The following PEAR1 variants were observed in gnomAD, a reference collection of about 807,000 sequenced individuals.
PEAR1 encodes the protein platelet endothelial aggregation receptor 1, also known as multiple EGF-like domains protein 12.
Under a neutral mutation model 131.2 loss-of-function variants are expected in PEAR1, and 113 were observed. That is an observed-to-expected ratio of 0.86 (90% CI 0.74 to 1.01). The LOEUF (loss-of-function observed/expected upper bound fraction) is 1.01, where lower values mean the gene tolerates loss of function less well. PEAR1 is among the 50% of genes least tolerant of loss of function. The probability of loss-of-function intolerance (pLI) is 0.00; values close to 1 mark genes in which losing one functional copy is unlikely to be tolerated. For missense variants in PEAR1, 1,408 were observed against 1,391.1 expected (o/e 1.01, Z -0.19); for synonymous variants, 565 against 523.3 (o/e 1.08, Z -1.09).
chr1:156,911,036 T>TC, intron 15 of PEAR1, among the ~76,000 whole-genome samples: 1 of 145,144 alleles, frequency 6.9e-6, no homozygotes, highest in South Asian at 2.3e-4. Context: ...TCTTGATTTC[T>TC]TTTTCTTTCT....
chr1:156,908,613 T>C lies in PEAR1; in HGVS notation c.1116-42T>C. The C allele has an allele frequency of 2.0e-6, 3 of 1,474,840 alleles. No individual in the cohort carries two copies. In the South Asian group the frequency reaches 4.0e-5, roughly 20 times the overall value. The allele number at this position is 1,474,840 out of a possible 1,614,324, so 91.4% of individuals were successfully genotyped here. On this transcript the variant is annotated intron_variant, in intron 9 of 22. Coordinates refer to ENST00000292357, the MANE Select transcript of PEAR1 (RefSeq NM_001080471.3). The surrounding 1 kb of genome is among the most constrained non-coding windows in gnomAD (Gnocchi z 4.2). ...AGGGGTCGGGAAGCTGCCCTGCCCC[T>C]GCCCAGCTCAGACCGCGCCACGCCC... is the stretch of plus-strand genomic sequence containing the variant.
intron 1 of PEAR1, among the ~76,000 whole-genome samples, chr1:156,897,327 G>C (rs973730365): frequency 6.6e-5 from 10 of 152,230 alleles, no homozygotes; most frequent in African/African-American, 2.4e-4. Context: ...CCCGCTCACA[G>C]AGCCTTGGAG....
chr1:156,910,349 A>G lies in PEAR1; in HGVS notation c.1794A>G (p.Ala598=), dbSNP rs772606718. The change falls in exon 14 of 23, where the codon GCA becomes GCG. Residue 598 remains alanine, a synonymous_variant. Coordinates refer to ENST00000292357, the MANE Select transcript of PEAR1 (RefSeq NM_001080471.3). ...CLPENGNCVC[A]PGFRGPSCQR... ...CTGAGAATGGCAACTGCGTGTGTGC[A>G]CCCGGATTCCGGGGCCCCTCCTGCC... is the stretch of plus-strand genomic sequence containing the variant. The G allele has an allele frequency of 1.9e-6, 3 of 1,607,328 alleles. No homozygotes were observed. The highest frequency in any genetic ancestry group is 3.4e-5 in the Admixed American group (2 of 59,206).
Position 156,912,589 on chromosome 1 carries a change from C to A in PEAR1, c.2176C>A (p.Pro726Thr), listed in dbSNP as rs1177382009. ...CCCAGAGACTGGGGCCTGTGTATGT[C>A]CCCCAGGGCACAGTGGTGCACCTTG... ...CHPETGACVC[P>T]PGHSGAPCRI... The change falls in exon 17 of 23, where the codon CCC becomes ACC. Residue 726 changes from proline to threonine, a missense_variant. Pro to Thr is a conservative substitution (Grantham distance 38, BLOSUM62 -1). Coordinates refer to ENST00000292357, the MANE Select transcript of PEAR1 (RefSeq NM_001080471.3). The A allele has an allele frequency of 3.7e-6, 6 of 1,613,982 alleles. No individual in the cohort carries two copies. The highest frequency in any genetic ancestry group is 2.2e-5 in the South Asian group (2 of 91,078).
intron 15 of PEAR1, among the ~76,000 whole-genome samples, chr1:156,911,242 C>CTTCT (rs993839256): frequency 1.1e-5 from 1 of 93,676 alleles, no homozygotes; most frequent in Non-Finnish European, 2.2e-5. Context: ...TCTTTTCTTT[C>CTTCT]TTCTTTCTTT....
In PEAR1 at chr1:156,898,405, C is replaced by T. The variant is rs186669046; in HGVS notation, c.-10+4568C>T. On this transcript the variant is annotated intron_variant, in intron 1 of 22. Transcript: ENST00000292357. ...GCCTCTGGCGCACTCTGGCCGCATA[C>T]GCAGGCTTCCTGTTTCTCCATCCGG... 2.6e-5 allele frequency among the ~76,000 whole-genome samples: 4 copies of T among 152,292 alleles called. No homozygotes were observed. In the East Asian group the frequency reaches 5.8e-4, roughly 22 times the overall value.
In PEAR1 at chr1:156,912,904, C is replaced by T. The variant is rs1317601096; in HGVS notation, c.2344C>T (p.Gln782Ter). The change falls in exon 18 of 23, where the codon CAA becomes TAA. Residue 782 changes from glutamine (Q) to a stop codon, truncating the protein, a stop_gained. Transcript: ENST00000292357. LOFTEE classifies it high-confidence loss of function. ...ACTGTTCATTGGCTATCGGCACTGG[C>T]AAAAAGGCAAGGAGCACCACCACCT... Reference protein sequence around the residue: ...VALFIGYRHWQKGKEHHHLAV... With the variant: ...VALFIGYRHW 2 of 1,614,200 alleles carry T rather than the reference C, an allele frequency of 1.2e-6. No homozygotes were observed.
rs1354683993 is a variant in PEAR1, at chr1:156,907,615, A to G, written c.650A>G (p.Asp217Gly). The G allele has an allele frequency of 1.9e-6, 3 of 1,612,322 alleles. No individual in the cohort carries two copies. The highest frequency in any genetic ancestry group is 1.7e-4 in the Middle Eastern group (1 of 6,050). ...CCACCCACTCTGTCCTGCAGCTGTG[A>G]CGTGTCCTGTTCCCAGGGCACTTCT... Reference protein sequence around the residue: ...CPAERTGPSCDVSCSQGTSGF... With the variant: ...CPAERTGPSCGVSCSQGTSGF... The change falls in exon 7 of 23, where the codon GAC becomes GGC. Residue 217 changes from aspartate to glycine, a missense_variant. Physicochemically the swap from Asp to Gly is moderately conservative, Grantham distance 94. Coordinates refer to ENST00000292357, the MANE Select transcript of PEAR1 (RefSeq NM_001080471.3).
chr1:156,912,396 C>G (rs201049430), intron 16 of PEAR1, 21 bp downstream of exon 16: 231 of 1,608,870 alleles, frequency 1.4e-4, no homozygotes, highest in East Asian at 2.2e-4. Context: ...AAGGGGAACT[C>G]CAGGCCCCTG....
Position 156,911,285 on chromosome 1 carries a change from CT to C in PEAR1, c.1951+556del, listed in dbSNP as rs11386240. ...TCTCTCCCTCCCTCTCTCTTTCTTT[CT>C]TTTTTTTTTTTTTGACACGGAATCT... On this transcript the variant is annotated intron_variant, in intron 15 of 22. Coordinates refer to ENST00000292357, the MANE Select transcript of PEAR1 (RefSeq NM_001080471.3). Among the ~76,000 whole-genome samples the C allele has an allele frequency of 5.6e-3, 521 of 93,212 alleles. 8 individuals are homozygous for C. Among genetic ancestry groups the C allele is most frequent in the Non-Finnish European group, 8.4e-3 (376 of 44,684 alleles). The allele number at this position is 93,212 out of a possible 152,430, so 61.2% of individuals were successfully genotyped here.
Position 156,902,230 on chromosome 1 carries a change from GC to G in PEAR1, c.-9-1683del, listed in dbSNP as rs1649761405. 1.3e-5 allele frequency: 2 copies of G among 152,546 alleles called. No individual in the cohort carries two copies. Among genetic ancestry groups the G allele is most frequent in the Non-Finnish European group, 2.9e-5 (2 of 68,192 alleles). The allele number at this position is 152,546 out of a possible 1,614,324, so 9.4% of individuals were successfully genotyped here. A position where few individuals can be genotyped will look rare whatever the true frequency, so the allele number is the denominator to read the frequency against. ...CTGGGATCCCCCAGGACATTCCCTG[GC>G]CCCCAGGCCCCAGGTCCCAGGCCCC... On this transcript the variant is annotated intron_variant, in intron 1 of 22. Transcript: ENST00000292357. This position sits in a 1 kb window ranked among gnomAD's most constrained non-coding sequence, Gnocchi z 4.3.
intron 2 of PEAR1, 102 bp from the exon 3 acceptor site, chr1:156,904,646 T>A: frequency 5.1e-6 from 6 of 1,184,982 alleles, no homozygotes; most frequent in Non-Finnish European, 7.2e-6. Flanking sequence ...AGCGTTGGGC[T>A]GTGGATTCCC....
chr1:156,907,819 G>T (rs958875624), intron 7 of PEAR1, 89 bp downstream of exon 7: 11 of 1,569,720 alleles, frequency 7.0e-6, no homozygotes, highest in Admixed American at 1.7e-5. Flanking sequence ...GTGAGTGAGG[G>T]GGGTGAGCTC....
intron 15 of PEAR1, 113 bp downstream of exon 15, chr1:156,910,856 G>A: frequency 2.1e-6 from 3 of 1,460,400 alleles, no homozygotes; most frequent in East Asian, 2.3e-5. Flanking sequence ...CCCACCTTGA[G>A]TAAATATTTA....
intron 1 of PEAR1, among the ~76,000 whole-genome samples, chr1:156,894,809 C>T (rs1270679211): frequency 6.6e-6 from 1 of 152,194 alleles, no homozygotes; most frequent in Non-Finnish European, 1.5e-5. Context: ...CCTGAGGTTC[C>T]CAGGCTCAGC....
At chr1:156,896,012 G>T (rs1482929302) in intron 1 of PEAR1, among the ~76,000 whole-genome samples, 1 of 152,132 alleles carries the variant, frequency 6.6e-6, no homozygotes, top group Admixed American at 6.5e-5. Context: ...AGCCCAGGAG[G>T]TTGAGGCTGC....
Position 156,912,806 on chromosome 1 carries a change from C to T in PEAR1, c.2246C>T (p.Pro749Leu). The change falls in exon 18 of 23, where the codon CCA becomes CTA. Residue 749 changes from proline to leucine, a missense_variant. Physicochemically the swap from Pro to Leu is moderately conservative, Grantham distance 98. Transcript: ENST00000292357. ...QEPFTVMPTT[P>L]VAYNSLGAVI... ...CCCTTTACTGTGATGCCGACCACTC[C>T]AGTAGCGTATAACTCGCTGGGTGCA... 2 of 1,614,218 alleles carry T rather than the reference C, an allele frequency of 1.2e-6. No individual in the cohort carries two copies. The highest frequency in any genetic ancestry group is 8.5e-7 in the Non-Finnish European group (1 of 1,180,032).
Position 156,914,148 on chromosome 1 carries a change from G to A in PEAR1, c.2962+48G>A, listed in dbSNP as rs769999495. On this transcript the variant is annotated intron_variant, in intron 22 of 22. Coordinates refer to ENST00000292357, the MANE Select transcript of PEAR1 (RefSeq NM_001080471.3). ...CAGGAGCAGCAGAGAACTGGGACAAGGGAGGCAGAAAAACAGAAGGAACAG... is the reference window on the plus strand; with the variant it reads ...CAGGAGCAGCAGAGAACTGGGACAAAGGAGGCAGAAAAACAGAAGGAACAG... The A allele has an allele frequency of 4.0e-6, 6 of 1,501,082 alleles. No individual in the cohort carries two copies. The Admixed American group carries it at 1.4e-4, about 35-fold the overall frequency. 93.0% of individuals were successfully genotyped at this position (1,501,082 alleles called of 1,614,324 possible). A position where few individuals can be genotyped will look rare whatever the true frequency, so the allele number is the denominator to read the frequency against.
Position 156,908,211 on chromosome 1 carries a change from C to G in PEAR1, c.986C>G (p.Pro329Arg). Residue 329 changes from proline to arginine, a missense_variant, in exon 9 of 23, where the codon CCG becomes CGG. Transcript: ENST00000292357. This position sits in a 1 kb window ranked among gnomAD's most constrained non-coding sequence, Gnocchi z 4.2. ...CDCAPDARCFPANGACLCEHG... is the reference protein window; with the variant it reads ...CDCAPDARCFRANGACLCEHG... ...TGCGCCCCGGACGCCCGTTGCTTCC[C>G]GGCCAACGGCGCATGTCTGTGCGAA... 6.2e-7 allele frequency: 1 copy of G among 1,602,684 alleles called. No homozygotes were observed. Among genetic ancestry groups the G allele is most frequent in the Non-Finnish European group, 8.5e-7 (1 of 1,178,786 alleles).
Sources: gnomAD v4.1 joint callset for allele counts (sites outside exome capture counted in the v4.1 genomes callset) on GRCh38, gnomAD v4.1.1 for gene constraint, Gnocchi (gnomAD v3.1) non-coding constraint, MANE v1.5 for transcripts, NCBI Gene and HGNC (gene_info 2026-07-23, HGNC 2026-07-21) for gene names.